The following RORA variants were observed in gnomAD, a reference collection of about 807,000 sequenced individuals.
RORA encodes the protein RAR related orphan receptor A.
In RORA, 7 loss-of-function variants were observed where a neutral mutation model predicts 69.5. That is an observed-to-expected ratio of 0.10 (90% CI 0.06 to 0.19). The LOEUF is 0.19. Among genes scored for constraint, RORA ranks in the 10% least tolerant of loss-of-function variants. RORA has a pLI of 1.00. For missense variants in RORA, 457 were observed against 663.0 expected (o/e 0.69, Z 3.41); for synonymous variants, 261 against 240.8 (o/e 1.08, Z -0.78).
At chr15:60,924,485 T>C (rs1892149596) in intron 1 of RORA, among the ~76,000 whole-genome samples, 1 of 151,698 alleles carries the variant, frequency 6.6e-6, no homozygotes, top group Non-Finnish European at 1.5e-5. Context: ...TATTTATAAG[T>C]GAATATATTT....
intron 1 of RORA, among the ~76,000 whole-genome samples, chr15:60,839,614 A>G (rs1421545186): frequency 6.6e-6 from 1 of 152,204 alleles, no homozygotes; most frequent in Non-Finnish European, 1.5e-5. Flanking sequence ...TGTACAGTGC[A>G]CGTGGCAGAG....
chr15:60,621,731 T>C (rs1426650316), intron 2 of RORA, among the ~76,000 whole-genome samples: 1 of 150,336 alleles, frequency 6.7e-6, no homozygotes, highest in Non-Finnish European at 1.5e-5. Context: ...ACTATGTTCC[T>C]AGGAAATCTA....
chr15:61,002,750 G>A (rs1472605442), intron 1 of RORA, among the ~76,000 whole-genome samples: 2 of 152,088 alleles, frequency 1.3e-5, no homozygotes, highest in Non-Finnish European at 2.9e-5. Context: ...CCAATTTGAA[G>A]AGTTATTAGA....
intron 1 of RORA, among the ~76,000 whole-genome samples, chr15:60,942,854 T>C (rs1892742544): frequency 6.6e-6 from 1 of 152,232 alleles, no homozygotes; most frequent in Non-Finnish European, 1.5e-5. Context: ...ATTCCAAGGC[T>C]GGCCTTTGCT....
chr15:60,817,206 A>C (rs1364313648), intron 1 of RORA, among the ~76,000 whole-genome samples: 1 of 152,198 alleles, frequency 6.6e-6, no homozygotes, highest in African/African-American at 2.4e-5. Context: ...CGGTCTCTAG[A>C]CCACGGCAAT....
At chr15:60,825,403 T>G (rs1204810989) in intron 1 of RORA, among the ~76,000 whole-genome samples, 1 of 152,240 alleles carries the variant, frequency 6.6e-6, no homozygotes, top group East Asian at 1.9e-4. Context: ...AATAACTATA[T>G]TCACTATTCA....
At chr15:60,854,886 A>G (rs917967509) in intron 1 of RORA, among the ~76,000 whole-genome samples, 1 of 152,230 alleles carries the variant, frequency 6.6e-6, no homozygotes, top group Non-Finnish European at 1.5e-5. Flanking sequence ...AAGGAAATCA[A>G]TCATTGAATC....
chr15:60,687,079 C>T (rs1310558313), intron 1 of RORA, among the ~76,000 whole-genome samples: 1 of 152,244 alleles, frequency 6.6e-6, no homozygotes, highest in East Asian at 1.9e-4. Context: ...GAAGGAAAAA[C>T]CCCATGCATT....
In RORA at chr15:60,497,285, T is replaced by C. The variant is rs201434732; in HGVS notation, c.*170A>G. On this transcript the variant is annotated 3_prime_UTR_variant, in exon 11 of 11. Coordinates refer to ENST00000335670, the MANE Select transcript of RORA (RefSeq NM_134261.3). Reference sequence around the variant, plus strand: ...TGCATGAGAAAAACAAGTTCAACTTTTATTTGTTTTCATTGTTTCCCCTCC... The same window carrying C: ...TGCATGAGAAAAACAAGTTCAACTTCTATTTGTTTTCATTGTTTCCCCTCC... 8.9e-6 allele frequency: 5 copies of C among 562,448 alleles called. No homozygotes were observed. The highest frequency in any genetic ancestry group is 7.6e-5 in the African/African-American group (4 of 52,892). The allele number at this position is 562,448 out of a possible 1,614,324, so 34.8% of individuals were successfully genotyped here. A position where few individuals can be genotyped will look rare whatever the true frequency, so the allele number is the denominator to read the frequency against.
At chr15:60,827,388 C>T (rs376456349) in intron 1 of RORA, among the ~76,000 whole-genome samples, 5 of 152,016 alleles carry the variant, frequency 3.3e-5, no homozygotes, top group South Asian at 2.1e-4. Flanking sequence ...ATGTCTGGCA[C>T]GTAAAAAAAT....
intron 1 of RORA, among the ~76,000 whole-genome samples, chr15:60,704,148 C>T (rs1272301621): frequency 6.6e-6 from 1 of 152,186 alleles, no homozygotes; most frequent in African/African-American, 2.4e-5. Context: ...CTCTAGGCAA[C>T]ACAGCCGTGA....
At chr15:61,068,103 G>T (rs2078290302) in intron 1 of RORA, among the ~76,000 whole-genome samples, 1 of 152,312 alleles carries the variant, frequency 6.6e-6, no homozygotes, top group East Asian at 1.9e-4. Context: ...CCATTTTCTA[G>T]GTTATCACCT....
intron 1 of RORA, among the ~76,000 whole-genome samples, chr15:61,168,301 T>C (rs2079556129): frequency 6.6e-6 from 1 of 152,108 alleles, no homozygotes; most frequent in African/African-American, 2.4e-5. Flanking sequence ...TGATCTTGGC[T>C]CACTGCAACC....
At chr15:60,724,187 T>C (rs2071328874) in intron 1 of RORA, among the ~76,000 whole-genome samples, 1 of 152,200 alleles carries the variant, frequency 6.6e-6, no homozygotes, top group South Asian at 2.1e-4. Flanking sequence ...GTCTAAATTC[T>C]TAAAGGATAA....
intron 2 of RORA, among the ~76,000 whole-genome samples, chr15:60,652,689 C>T (rs1227617945): frequency 2.0e-5 from 3 of 152,064 alleles, no homozygotes; most frequent in African/African-American, 7.2e-5. Context: ...CCATGTTTTC[C>T]CCCTTCCCTC....
Position 61,098,513 on chromosome 15 carries a change from T to C in RORA, c.166+130540A>G, listed in dbSNP as rs185970766. Among the ~76,000 whole-genome samples, 645 of 152,138 alleles carry C rather than the reference T, an allele frequency of 4.2e-3. 4 individuals are homozygous for C. The highest frequency in any genetic ancestry group is 0.018 in the South Asian group (87 of 4,828). ...ATGCCATCATGCCCAGCTAATATTTTGTATTTTTTGTAGAGACAGGAGTCT... is the reference window on the plus strand; with the variant it reads ...ATGCCATCATGCCCAGCTAATATTTCGTATTTTTTGTAGAGACAGGAGTCT... On this transcript the variant is annotated intron_variant, in intron 1 of 10. Transcript: ENST00000335670.
intron 1 of RORA, among the ~76,000 whole-genome samples, chr15:60,796,594 G>C (rs1292398999): frequency 6.6e-6 from 1 of 152,006 alleles, no homozygotes; most frequent in Non-Finnish European, 1.5e-5. Flanking sequence ...ATATAACGTT[G>C]TCACTATGTA....
intron 2 of RORA, among the ~76,000 whole-genome samples, chr15:60,584,172 TA>T (rs2140493954): frequency 6.6e-6 from 1 of 152,360 alleles, no homozygotes; most frequent in Admixed American, 6.5e-5. Context: ...AGATGCTGTG[TA>T]AATACATGCC....
At chr15:60,513,945 C>G (rs944442390) in intron 4 of RORA, among the ~76,000 whole-genome samples, 1 of 152,200 alleles carries the variant, frequency 6.6e-6, no homozygotes. Flanking sequence ...CCAGTTTCCA[C>G]GTATAAGCAT....
Sources: allele counts gnomAD v4.1 joint callset (sites outside exome capture counted in the v4.1 genomes callset), GRCh38; gene constraint gnomAD v4.1.1; transcripts MANE v1.5; gene names NCBI Gene and HGNC (gene_info 2026-07-23, HGNC 2026-07-21).